The following TMEM181 variants were observed in gnomAD, a reference collection of about 807,000 sequenced individuals.
TMEM181 encodes G protein-coupled receptor 178.
TMEM181 carries 39 observed loss-of-function variants against 71.9 expected under a neutral mutation model. The observed-to-expected ratio is 0.54, with a 90% CI of 0.42 to 0.71. The LOEUF (loss-of-function observed/expected upper bound fraction) is 0.71, where lower values mean the gene tolerates loss of function less well. Ranked by LOEUF, TMEM181 falls within the 30% of genes least tolerant of loss-of-function variation. The probability of loss-of-function intolerance (pLI) is 0.00; values close to 1 mark genes in which losing one functional copy is unlikely to be tolerated. For missense variants in TMEM181, 595 were observed against 583.0 expected, an observed-to-expected ratio of 1.02 and a Z score of -0.21; for synonymous variants, 245 against 228.8, an observed-to-expected ratio of 1.07 and a Z score of -0.64.
Position 158,629,665 on chromosome 6 carries a change from G to C in TMEM181, c.1193-65G>C, listed in dbSNP as rs367861670. 7.1e-5 allele frequency: 96 copies of C among 1,360,056 alleles called. 1 individual carries two copies. In the African/African-American group the frequency reaches 1.4e-3, roughly 19 times the overall value. The allele number at this position is 1,360,056 out of a possible 1,614,324, so 84.2% of individuals were successfully genotyped here. A position where few individuals can be genotyped will look rare whatever the true frequency, so the allele number is the denominator to read the frequency against. ...GCTGCTGATGGCGGGAGGAGTGGTC[G>C]GGCTGTAGGCAGAGCCTCTGACTGA... On this transcript the variant is annotated intron_variant, in intron 14 of 16. Transcript: ENST00000684151.
At chr6:158,604,186 G>A (rs1784816217) in intron 6 of TMEM181, among the ~76,000 whole-genome samples, 1 of 152,140 alleles carries the variant, frequency 6.6e-6, no homozygotes, top group South Asian at 2.1e-4. Flanking sequence ...TGTCTCCCTG[G>A]ACTCCCAGCC....
chr6:158,625,577 C>A, intron 12 of TMEM181, 126 bp from the exon 13 acceptor site: 2 of 862,420 alleles, frequency 2.3e-6, no homozygotes, highest in Non-Finnish European at 3.6e-6. Flanking sequence ...CTGGCGACTC[C>A]GGCTAAGTCT....
At chr6:158,536,891 G>A in intron 1 of TMEM181, 1 of 1,322,150 alleles carries the variant, frequency 7.6e-7, no homozygotes, top group Non-Finnish European at 9.7e-7. Context: ...GCAGCGGCGG[G>A]GCGGCCGGAG....
chr6:158,565,763 G>C (rs1302305267), intron 1 of TMEM181, among the ~76,000 whole-genome samples: 2 of 151,954 alleles, frequency 1.3e-5, no homozygotes, highest in Non-Finnish European at 2.9e-5. Context: ...TGGATCCACA[G>C]TGGAGCCCCT....
At chr6:158,575,242 A>G (rs1783093511) in intron 2 of TMEM181, among the ~76,000 whole-genome samples, 2 of 152,200 alleles carry the variant, frequency 1.3e-5, no homozygotes, top group South Asian at 4.1e-4. Flanking sequence ...TAAGGTTATT[A>G]CTATTTTAGA....
At chr6:158,555,257 C>G (rs1227442495), upstream of TMEM181, among the ~76,000 whole-genome samples, 1 of 152,174 alleles carries the variant, frequency 6.6e-6, no homozygotes, top group African/African-American at 2.4e-5. Context: ...TATATTATTG[C>G]TCTGAGCTCA....
intron 10 of TMEM181, among the ~76,000 whole-genome samples, chr6:158,612,217 T>G (rs951986347): frequency 6.6e-6 from 1 of 152,184 alleles, no homozygotes; most frequent in Non-Finnish European, 1.5e-5. Flanking sequence ...TAGAAGTGAT[T>G]TCCTTGAAAC....
At chr6:158,616,866 G>A (rs2128323605) in intron 10 of TMEM181, among the ~76,000 whole-genome samples, 1 of 152,272 alleles carries the variant, frequency 6.6e-6, no homozygotes, top group Non-Finnish European at 1.5e-5. Context: ...GCTTTTTGAT[G>A]TGCTGCTGGA....
intron 1 of TMEM181, among the ~76,000 whole-genome samples, chr6:158,539,143 A>G (rs900803030): frequency 4.6e-5 from 7 of 152,204 alleles, no homozygotes; most frequent in Non-Finnish European, 7.3e-5. Context: ...GCTTGAAGAC[A>G]GATTCACAGC....
chr6:158,619,887 AAAG>A (rs1308489029), intron 10 of TMEM181, among the ~76,000 whole-genome samples: 2 of 103,898 alleles, frequency 1.9e-5, no homozygotes, highest in African/African-American at 4.0e-5. Context: ...AAAAAAAAAA[AAAG>A]GAGGATGTCA....
chr6:158,572,348 T>C (rs1782902347), intron 1 of TMEM181: 1 of 454,780 alleles, frequency 2.2e-6, no homozygotes, highest in Non-Finnish European at 4.4e-6. Flanking sequence ...TGCGGCTGCC[T>C]GTCCCTGAGG....
chr6:158,618,188 A>T (rs141776041), intron 10 of TMEM181, among the ~76,000 whole-genome samples: 25,216 of 152,026 alleles, frequency 0.17, 2,210 homozygotes, highest in African/African-American at 0.22. Context: ...TATATTTAGG[A>T]TAGTTAGCTC....
intron 1 of TMEM181, among the ~76,000 whole-genome samples, chr6:158,547,256 T>C (rs1354349513): frequency 2.6e-5 from 4 of 152,226 alleles, no homozygotes; most frequent in African/African-American, 9.6e-5. Context: ...CACTTCAGCC[T>C]GGGCAACAGA....
intron 6 of TMEM181, among the ~76,000 whole-genome samples, chr6:158,600,859 T>G (rs370322859): frequency 6.6e-6 from 1 of 152,184 alleles, no homozygotes; most frequent in Non-Finnish European, 1.5e-5. Context: ...CCAGGGAGTC[T>G]GAGATTATTT....
At chr6:158,571,000 A>G (rs554416018) in intron 1 of TMEM181, among the ~76,000 whole-genome samples, 4 of 148,038 alleles carry the variant, frequency 2.7e-5, no homozygotes, top group South Asian at 2.2e-4. Context: ...GCAACCTCCA[A>G]CTCCCTGGTT....
chr6:158,577,187 TTAAAAC>T (rs1453684257), intron 2 of TMEM181, among the ~76,000 whole-genome samples: 1 of 152,112 alleles, frequency 6.6e-6, no homozygotes, highest in Non-Finnish European at 1.5e-5. Context: ...GGCAGAGACT[TTAAAAC>T]AGCTGTCTTA....
intron 1 of TMEM181, among the ~76,000 whole-genome samples, chr6:158,562,532 T>A (rs535211463): frequency 2.6e-5 from 4 of 152,048 alleles, no homozygotes; most frequent in Admixed American, 2.6e-4. Context: ...TTTTTCATCC[T>A]GGGGGCATTT....
rs61457107 is a variant in TMEM181, at chr6:158,600,458, A to ATTTTTTTTTTT, written c.493-4791_493-4781dup. Among the ~76,000 whole-genome samples the ATTTTTTTTTTT allele has an allele frequency of 1.4e-3, 133 of 91,850 alleles. 4 individuals carry two copies. The highest frequency in any genetic ancestry group is 4.1e-3 in the South Asian group (10 of 2,434). The allele number at this position is 91,850 out of a possible 152,430, so 60.3% of individuals were successfully genotyped here. A position where few individuals can be genotyped will look rare whatever the true frequency, so the allele number is the denominator to read the frequency against. ...AGTCACCGTGCCTGGCCTAGGGTTA[A>ATTTTTTTTTTT]TTTTTTTTTTTTTTTTTTTTTTTTT... On this transcript the variant is annotated intron_variant, in intron 6 of 16. Transcript: ENST00000684151.
chr6:158,571,677 G>T (rs953172620), intron 1 of TMEM181, among the ~76,000 whole-genome samples: 1 of 152,252 alleles, frequency 6.6e-6, no homozygotes, highest in Non-Finnish European at 1.5e-5. Flanking sequence ...ACTGCGGAAG[G>T]TCAGAGGAGA....
Sources: gnomAD v4.1 joint callset for allele counts (sites outside exome capture counted in the v4.1 genomes callset) on GRCh38, gnomAD v4.1.1 for gene constraint, MANE v1.5 for transcripts, NCBI Gene and HGNC (gene_info 2026-07-23, HGNC 2026-07-21) for gene names.